Variants in CFAP45 observed in about 807,000 individuals in gnomAD.
The protein encoded by CFAP45 is cilia- and flagella-associated protein 45.
In CFAP45, 43 loss-of-function variants were observed where a neutral mutation model predicts 75.6. The ratio of observed to expected loss-of-function variants is 0.57; its 90% CI spans 0.45 to 0.73. The LOEUF (loss-of-function observed/expected upper bound fraction) is 0.73, where lower values mean the gene tolerates loss of function less well. Among genes scored for constraint, CFAP45 ranks in the 30% least tolerant of loss-of-function variants. The probability of loss-of-function intolerance (pLI) is 0.00; values close to 1 mark genes in which losing one functional copy is unlikely to be tolerated. For synonymous variants in CFAP45, 223 were observed against 244.6 expected, an observed-to-expected ratio of 0.91 and a Z score of 0.82; for missense variants, 689 against 701.5, an observed-to-expected ratio of 0.98 and a Z score of 0.20.
intron 2 of CFAP45, among the ~76,000 whole-genome samples, 176 bp from the exon 3 acceptor site, chr1:159,890,798 AC>A (rs1649810926): frequency 1.6e-5 from 2 of 126,360 alleles, no homozygotes; most frequent in Middle Eastern, 0.012. Flanking sequence ...TTGCTCTGTC[AC>A]CCAGGCTGGA....
Position 159,884,453 on chromosome 1 carries a change from G to A in CFAP45, c.880C>T (p.Gln294Ter), listed in dbSNP as rs1172681390. 1.2e-6 allele frequency: 2 copies of A among 1,612,590 alleles called. No homozygotes were observed. Among genetic ancestry groups the A allele is most frequent in the Admixed American group, 3.3e-5 (2 of 59,786 alleles). Residue 294 changes from glutamine to a stop codon, truncating the protein, a stop_gained, in exon 7 of 12, where the codon CAA becomes TAA. Transcript: ENST00000368099. LOFTEE classifies it high-confidence loss of function. ...CCTGTTACCTTTAGATCTTCCTCTT[G>A]GAGCTGTTCCATATATTCCAGCATC... ...EQMLEYMEQL[Q>*]EEDLKDMERR...
chr1:159,878,780 A>AAAAAAAAAAAAAAAAAAC (rs1169860277), intron 8 of CFAP45, among the ~76,000 whole-genome samples: 2 of 141,342 alleles, frequency 1.4e-5, no homozygotes, highest in Non-Finnish European at 3.1e-5. Context: ...AAAAAAAAAA[A>AAAAAAAAAAAAAAAAAAC]AACCTTCCTT....
At position 159,880,766 on chromosome 1, in the gene CFAP45, G is replaced by A; in HGVS notation, c.898-66C>T. ...AAGACAAGAAGCCACTGGCATCCAG[G>A]GATAGAGAGATGCAGACAGAGGAGG... On this transcript the variant is annotated intron_variant, in intron 7 of 11. Transcript: ENST00000368099. 2.6e-6 allele frequency: 4 copies of A among 1,513,962 alleles called. No individual in the cohort carries two copies. In the South Asian group the frequency reaches 3.5e-5, roughly 13 times the overall value. The allele number at this position is 1,513,962 out of a possible 1,614,324, so 93.8% of individuals were successfully genotyped here. A position where few individuals can be genotyped will look rare whatever the true frequency, so the allele number is the denominator to read the frequency against.
At chr1:159,886,314 C>G (rs903263325) in intron 6 of CFAP45, among the ~76,000 whole-genome samples, 197 bp downstream of exon 6, 4 of 151,372 alleles carry the variant, frequency 2.6e-5, no homozygotes, top group Admixed American at 6.6e-5. Context: ...CACTCCAGAG[C>G]CTGGGCGACA....
chr1:159,878,814 T>C (rs946192042), intron 8 of CFAP45, among the ~76,000 whole-genome samples: 5 of 138,916 alleles, frequency 3.6e-5, no homozygotes, highest in African/African-American at 1.3e-4. Context: ...CTGCCCAGAC[T>C]TCTGTGAAGC....
At chr1:159,897,061 C>G (rs1371069177) in intron 1 of CFAP45, among the ~76,000 whole-genome samples, 1 of 150,680 alleles carries the variant, frequency 6.6e-6, no homozygotes, top group African/African-American at 2.4e-5. Flanking sequence ...CTCAGGAGTT[C>G]AAGACCAGCC....
chr1:159,886,291 G>A (rs1429657884), intron 6 of CFAP45, among the ~76,000 whole-genome samples: 3 of 151,484 alleles, frequency 2.0e-5, no homozygotes, highest in Non-Finnish European at 4.4e-5. Flanking sequence ...AGTGAGCCGA[G>A]ATTATGCCAC....
At position 159,876,626 on chromosome 1, in the gene CFAP45, C is replaced by T; in HGVS notation, c.1282G>A (p.Val428Met). ...AELRKSRLEQ[V>M]AFKEHALAVQ... The stretch of plus-strand genomic sequence containing the variant: ...GCCAGAGCGTGCTCCTTGAAAGCCA[C>T]CTGTTCGAGCCGACTTTTTCGCAGC... Residue 428 changes from valine (V) to methionine (M), a missense_variant, in exon 10 of 12, where the codon GTG becomes ATG. By Grantham distance (21) the Val-to-Met change is conservative (BLOSUM62 1). Transcript: ENST00000368099. 6 of 1,614,214 alleles carry T rather than the reference C, an allele frequency of 3.7e-6. No homozygotes were observed. Among genetic ancestry groups the T allele is most frequent in the Non-Finnish European group, 5.1e-6 (6 of 1,180,044 alleles).
chr1:159,899,078 T>G (rs553569104), intron 1 of CFAP45, among the ~76,000 whole-genome samples: 1 of 152,066 alleles, frequency 6.6e-6, no homozygotes, highest in African/African-American at 2.4e-5. Flanking sequence ...ACTCCAACAC[T>G]TATCATCTGC....
chr1:159,877,229 C>G, intron 9 of CFAP45, 120 bp downstream of exon 9: 1 of 788,218 alleles, frequency 1.3e-6, no homozygotes, highest in South Asian at 1.4e-5. Flanking sequence ...CTACTGAAGT[C>G]TAGGTAACTT....
intron 6 of CFAP45, among the ~76,000 whole-genome samples, chr1:159,885,681 C>G (rs1020335729): frequency 6.6e-6 from 1 of 152,132 alleles, no homozygotes; most frequent in African/African-American, 2.4e-5. Flanking sequence ...GAACTGGATA[C>G]GAAAGGACCT....
chr1:159,899,199 T>C (rs1571192786), intron 1 of CFAP45, among the ~76,000 whole-genome samples: 1 of 152,008 alleles, frequency 6.6e-6, no homozygotes, highest in South Asian at 2.1e-4. Flanking sequence ...GCCCTCCCCA[T>C]CCCAGCAAAC....
In CFAP45 at chr1:159,886,620, CT is replaced by C. The variant is rs778733437; in HGVS notation, c.657del (p.Glu220AsnfsTer12). On this transcript the variant is annotated frameshift_variant, in exon 6 of 12. Transcript: ENST00000368099. LOFTEE classifies it high-confidence loss of function. ...AACCGCTTCTCTTCTGTGTCCAGTT[CT>C]TTTTGGATCTGCTGCTTCTCCAGGA... ...AQILEKQQIQKELDTEEKRLD... is the reference protein window; with the variant it reads ...AQILEKQQIQXELDTEEKRLD... 3 of 1,614,112 alleles carry C rather than the reference CT, an allele frequency of 1.9e-6. No homozygotes were observed. Among genetic ancestry groups the C allele is most frequent in the Non-Finnish European group, 2.5e-6 (3 of 1,180,014 alleles).
At position 159,881,209 on chromosome 1, in the gene CFAP45, G is replaced by A. The variant is rs77247057; in HGVS notation, c.898-509C>T. Among the ~76,000 whole-genome samples the A allele has an allele frequency of 3.5e-3, 534 of 152,326 alleles. 3 individuals are homozygous for A. Among genetic ancestry groups the A allele is most frequent in the Non-Finnish European group, 4.6e-3 (316 of 68,036 alleles). On this transcript the variant is annotated intron_variant, in intron 7 of 11. Transcript: ENST00000368099. ...TCCAAAAATCCTAAAAGGTAGGTAGGCCTTGTTATCTCTCTTGCTCCAATA... is the reference window on the plus strand; with the variant it reads ...TCCAAAAATCCTAAAAGGTAGGTAGACCTTGTTATCTCTCTTGCTCCAATA...
chr1:159,887,763 T>C, intron 5 of CFAP45, 78 bp downstream of exon 5: 5 of 1,036,396 alleles, frequency 4.8e-6, no homozygotes, highest in Non-Finnish European at 5.6e-6. Context: ...GTCCCTGGCC[T>C]TGTCCAGTGC....
Position 159,873,109 on chromosome 1 carries a change from CG to C in CFAP45, c.1411del (p.Arg471AlafsTer55). ...CCGGAGCTCATTGGCATGCTGTAAG[CG>C]CCCTGTGGCCTTTTTCTCCTCCTCC... ...RLEEEKKATGRLQHANELRRQ... is the reference protein window; with the variant it reads ...RLEEEKKATGXLQHANELRRQ... On this transcript the variant is annotated frameshift_variant, in exon 11 of 12. Coordinates refer to ENST00000368099, the MANE Select transcript of CFAP45 (RefSeq NM_012337.3). LOFTEE classifies it high-confidence loss of function. 1.2e-6 allele frequency: 2 copies of C among 1,614,154 alleles called. No homozygotes were observed. Among genetic ancestry groups the C allele is most frequent in the Non-Finnish European group, 1.7e-6 (2 of 1,180,038 alleles).
Position 159,880,580 on chromosome 1 carries a change from C to T in CFAP45, c.1018G>A (p.Val340Met), listed in dbSNP as rs367620563. 34 of 1,613,446 alleles carry T rather than the reference C, an allele frequency of 2.1e-5. No individual in the cohort carries two copies. In the East Asian group the frequency reaches 3.6e-4, roughly 17 times the overall value. Reference protein sequence around the residue: ...LAQEKLADQMVMEFTKKKMAR... With the variant: ...LAQEKLADQMMMEFTKKKMAR... ...ATCTTCTTCTTGGTAAACTCCATCACCATCTGGTCTGCCAGCTTCTCCTGA... is the reference window on the plus strand; with the variant it reads ...ATCTTCTTCTTGGTAAACTCCATCATCATCTGGTCTGCCAGCTTCTCCTGA... The change falls in exon 8 of 12, where the codon GTG (valine) becomes ATG (methionine). Residue 340 changes from valine (V) to methionine (M), a missense_variant. Physicochemically the swap from Val to Met is conservative, Grantham distance 21. Coordinates refer to ENST00000368099, the MANE Select transcript of CFAP45 (RefSeq NM_012337.3).
chr1:159,881,945 C>A (rs1186722200), intron 7 of CFAP45, among the ~76,000 whole-genome samples: 1 of 152,228 alleles, frequency 6.6e-6, no homozygotes, highest in Non-Finnish European at 1.5e-5. Context: ...AGACTAAATC[C>A]CTCCCTGGCC....
In CFAP45 at chr1:159,888,493, A is replaced by T; in HGVS notation, c.276T>A (p.Val92=). 2.5e-6 allele frequency: 4 copies of T among 1,580,456 alleles called. No individual in the cohort carries two copies. Among genetic ancestry groups the T allele is most frequent in the Middle Eastern group, 1.7e-4 (1 of 5,952 alleles). The change falls in exon 4 of 12, where the codon GTT becomes GTA. Residue 92 remains valine (V), a synonymous_variant. Transcript: ENST00000368099. The part of the protein sequence containing the change: ...ITRDMVRELI[V]PTEDPSGESL... ...ACTCCCCGGAGGGATCCTCTGTGGG[A>T]ACACTGTCACAAGAATAAACAGAGT... is the stretch of plus-strand genomic sequence containing the variant.
Sources: gnomAD v4.1 joint callset for allele counts (sites outside exome capture counted in the v4.1 genomes callset) on GRCh38, gnomAD v4.1.1 for gene constraint, MANE v1.5 for transcripts, NCBI Gene and HGNC (gene_info 2026-07-23, HGNC 2026-07-21) for gene names.